CHUK: variants seen among roughly 807,000 people sequenced by gnomAD.
The protein encoded by CHUK is component of inhibitor of nuclear factor kappa B kinase complex.
Under a neutral mutation model 104.8 loss-of-function variants are expected in CHUK, and 35 were observed. The ratio of observed to expected loss-of-function variants is 0.33; its 90% CI spans 0.26 to 0.44. The LOEUF (loss-of-function observed/expected upper bound fraction) is 0.44. Among genes scored for constraint, CHUK ranks in the 20% least tolerant of loss-of-function variants. The pLI is 1.00. For missense variants in CHUK, 663 were observed against 902.7 expected (o/e 0.73, Z 3.40); for synonymous variants, 276 against 291.9 (o/e 0.95, Z 0.56).
intron 9 of CHUK, among the ~76,000 whole-genome samples, chr10:100,215,411 T>G (rs1845832140): frequency 6.6e-6 from 1 of 151,662 alleles, no homozygotes. Context: ...AGTTTATAAG[T>G]AAAGCTATAC....
intron 1 of CHUK, among the ~76,000 whole-genome samples, chr10:100,228,661 A>C (rs1462279650): frequency 1.3e-5 from 2 of 152,180 alleles, no homozygotes; most frequent in Non-Finnish European, 2.9e-5. Flanking sequence ...TCTCAAAAAC[A>C]AAAACAAACA....
At chr10:100,201,539 C>T (rs1194224992) in intron 14 of CHUK, among the ~76,000 whole-genome samples, 1 of 152,124 alleles carries the variant, frequency 6.6e-6, no homozygotes, top group Non-Finnish European at 1.5e-5. Flanking sequence ...CATAACCCTA[C>T]TAGAAAAGAA....
intron 1 of CHUK, among the ~76,000 whole-genome samples, chr10:100,228,798 C>T (rs1365190364): frequency 1.3e-5 from 2 of 152,134 alleles, no homozygotes; most frequent in African/African-American, 4.8e-5. Context: ...CCATCTCCAT[C>T]TACTAATATA....
intron 3 of CHUK, 92 bp downstream of exon 3, chr10:100,222,774 C>T (rs1426159228): frequency 6.8e-6 from 5 of 735,686 alleles, no homozygotes; most frequent in Non-Finnish European, 7.4e-6. Context: ...ATAGTTTTTC[C>T]GATTCTTATT....
At chr10:100,224,847 AAGATGCTTTCCTTTTTTTTC>A (rs936911342) in intron 2 of CHUK, among the ~76,000 whole-genome samples, 2 of 101,824 alleles carry the variant, frequency 2.0e-5, no homozygotes, top group Non-Finnish European at 3.4e-5. Flanking sequence ...TAGTGGCATC[AAGATGCTTTCCTTTTTTTTC>A]AGACAGGGTC....
rs140733044 is a variant in CHUK at position 100,200,072 on chromosome 10, A to G, written c.1680-52T>C. 1.8e-3 allele frequency: 2,215 copies of G among 1,256,516 alleles called. 26 individuals are homozygous for G. The African/African-American group carries it at 0.024, about 14-fold the overall frequency. 77.8% of individuals were successfully genotyped at this position (1,256,516 alleles called of 1,614,324 possible). The stretch of plus-strand genomic sequence containing the variant: ...AAGTGAAGGTAATTTAATGACTTCA[A>G]TAATCTACAACTTGAAACAATATTT... On this transcript the variant is annotated intron_variant, in intron 15 of 20. Transcript: ENST00000370397.
At chr10:100,196,269 C>T (rs1057163545) in intron 16 of CHUK, among the ~76,000 whole-genome samples, 1 of 152,118 alleles carries the variant, frequency 6.6e-6, no homozygotes, top group Non-Finnish European at 1.5e-5. Context: ...TTGGATTAAT[C>T]CAACCATCTG....
rs188472010 is a variant in CHUK, at chr10:100,228,015, G to A, written c.105+1413C>T. On this transcript the variant is annotated intron_variant, in intron 1 of 20. Transcript: ENST00000370397. ...CTTTTTATCTTGACATTTCCTTAAG[G>A]CCAATTAATGAGGAGCATTATGATC... Among the ~76,000 whole-genome samples the A allele has an allele frequency of 2.5e-3, 376 of 152,128 alleles. 2 individuals carry two copies. The highest frequency in any genetic ancestry group is 8.5e-3 in the African/African-American group (352 of 41,498).
chr10:100,203,840 A>T (rs559728456), intron 13 of CHUK, among the ~76,000 whole-genome samples: 1 of 152,176 alleles, frequency 6.6e-6, no homozygotes, highest in African/African-American at 2.4e-5. Flanking sequence ...GCAGTTTAAG[A>T]CTCCCCTGGT....
chr10:100,187,676 C>T (rs1845084093), downstream of CHUK: 1 of 152,176 alleles, frequency 6.6e-6, no homozygotes, highest in Admixed American at 6.5e-5. Context: ...TTGGGGATCC[C>T]ACTATAATAG....
chr10:100,199,329 T>A (rs1845409773), intron 16 of CHUK, among the ~76,000 whole-genome samples: 1 of 152,102 alleles, frequency 6.6e-6, no homozygotes, highest in Admixed American at 6.5e-5. Context: ...TCTATAATAT[T>A]TTTTTGTTTT....
At chr10:100,216,562 G>A (rs1447574465) in intron 9 of CHUK, among the ~76,000 whole-genome samples, 2 of 152,208 alleles carry the variant, frequency 1.3e-5, no homozygotes, top group East Asian at 3.8e-4. Context: ...AAATTAGGCA[G>A]GAGAGGTGGC....
intron 16 of CHUK, 82 bp from the exon 17 acceptor site, chr10:100,194,603 T>A: frequency 2.6e-6 from 2 of 756,310 alleles, no homozygotes; most frequent in Non-Finnish European, 4.6e-6. Context: ...CAAAAATCCC[T>A]GAAACTCTGA....
Position 100,222,259 on chromosome 10 carries a change from C to T in CHUK, c.316-78G>A, listed in dbSNP as rs17886077. ...TAGTGACCACACATTAATTACTATA[C>T]TCTAAAAGAATATTCAAATGAGAAA... On this transcript the variant is annotated intron_variant, in intron 3 of 20. Coordinates refer to ENST00000370397, the MANE Select transcript of CHUK (RefSeq NM_001278.5). 1,197 of 739,992 alleles carry T rather than the reference C, an allele frequency of 1.6e-3. 2 individuals are homozygous for T. The highest frequency in any genetic ancestry group is 2.5e-3 in the Non-Finnish European group (1,042 of 417,910). 45.8% of individuals were successfully genotyped at this position (739,992 alleles called of 1,614,324 possible).
rs1421308508 is a variant in CHUK at position 100,188,991 on chromosome 10, A to G, written c.*607T>C. On this transcript the variant is annotated 3_prime_UTR_variant, in exon 21 of 21. Coordinates refer to ENST00000370397, the MANE Select transcript of CHUK (RefSeq NM_001278.5). ...CTAATATTAGAAGCACAGATACACA[A>G]TCCCTTCGATGAGAAGGGGATACTG... 2.0e-5 allele frequency: 3 copies of G among 152,508 alleles called. No individual in the cohort carries two copies. The highest frequency in any genetic ancestry group is 6.5e-5 in the Admixed American group (1 of 15,324). 9.4% of individuals were successfully genotyped at this position (152,508 alleles called of 1,614,324 possible).
rs565774307 is a variant in CHUK, at chr10:100,229,376, A to C, written c.105+52T>G. 1.6e-4 allele frequency: 220 copies of C among 1,372,196 alleles called. 1 individual carries two copies. In the African/African-American group the frequency reaches 1.8e-3, roughly 11 times the overall value. 85.0% of individuals were successfully genotyped at this position (1,372,196 alleles called of 1,614,324 possible). A position where few individuals can be genotyped will look rare whatever the true frequency, so the allele number is the denominator to read the frequency against. The stretch of plus-strand genomic sequence containing the variant: ...TCAGCCCTGTGTTCCACAGACGCTC[A>C]AACCCACCGCCGCTCCAACCCACCG... On this transcript the variant is annotated intron_variant, in intron 1 of 20. Transcript: ENST00000370397.
At chr10:100,224,473 G>A (rs1480541212) in intron 2 of CHUK, among the ~76,000 whole-genome samples, 1 of 152,188 alleles carries the variant, frequency 6.6e-6, no homozygotes, top group Non-Finnish European at 1.5e-5. Context: ...TAGAGACGGA[G>A]TCGCCCAGGC....
At chr10:100,227,071 G>A (rs190477400) in intron 1 of CHUK, among the ~76,000 whole-genome samples, 1 of 152,268 alleles carries the variant, frequency 6.6e-6, no homozygotes, top group East Asian at 1.9e-4. Context: ...TTACCACCAT[G>A]GAAATGAGAA....
chr10:100,194,261 T>A, intron 17 of CHUK, 130 bp from the exon 18 acceptor site: 2 of 1,147,596 alleles, frequency 1.7e-6, no homozygotes, highest in African/African-American at 3.0e-5. Context: ...AAGTAATGCA[T>A]ACAAAAGGAC....
Sources: gnomAD v4.1 joint callset for allele counts (sites outside exome capture counted in the v4.1 genomes callset) on GRCh38, gnomAD v4.1.1 for gene constraint, MANE v1.5 for transcripts, NCBI Gene and HGNC (gene_info 2026-07-23, HGNC 2026-07-21) for gene names.